MRTFA: variants seen among roughly 807,000 people sequenced by gnomAD.
The protein encoded by MRTFA is myocardin related transcription factor A.
MRTFA carries 20 observed loss-of-function variants against 83.5 expected under a neutral mutation model. The observed-to-expected ratio is 0.24, with a 90% CI of 0.17 to 0.35. The LOEUF is 0.35. MRTFA is among the 10% of genes least tolerant of loss of function. The pLI, the probability that MRTFA is intolerant of heterozygous loss-of-function variation, is 1.00. For missense variants in MRTFA, 1,200 were observed against 1,224.7 expected (o/e 0.98, Z 0.30); for synonymous variants, 659 against 541.2 (o/e 1.22, Z -3.02).
intron 3 of MRTFA, among the ~76,000 whole-genome samples, chr22:40,525,678 T>C (rs2054957631): frequency 1.3e-5 from 2 of 152,300 alleles, no homozygotes; most frequent in Admixed American, 1.3e-4. Context: ...AACAATGCTC[T>C]ATACTGTAGT....
chr22:40,417,200 A>G (rs2052700128), intron 13 of MRTFA, 141 bp downstream of exon 13: 7 of 1,379,342 alleles, frequency 5.1e-6, no homozygotes, highest in Non-Finnish European at 6.9e-6. Context: ...CCGTCCCCTA[A>G]CAACCCACTC....
At chr22:40,413,480 TG>T (rs758952893) in intron 14 of MRTFA, among the ~76,000 whole-genome samples, 18 of 151,998 alleles carry the variant, frequency 1.2e-4, no homozygotes, top group Non-Finnish European at 2.1e-4. Context: ...TACAGGCACG[TG>T]CCACCATGCC....
intron 1 of MRTFA, among the ~76,000 whole-genome samples, chr22:40,604,957 G>A (rs2056302017): frequency 6.6e-6 from 1 of 152,094 alleles, no homozygotes; most frequent in Non-Finnish European, 1.5e-5. Flanking sequence ...ACTAATCTAT[G>A]ACCTATCAGG....
chr22:40,448,665 G>C (rs1475718843), intron 4 of MRTFA, among the ~76,000 whole-genome samples: 1 of 152,184 alleles, frequency 6.6e-6, no homozygotes, highest in East Asian at 1.9e-4. Context: ...TCTAACCTCA[G>C]AAAATGTCAA....
At chr22:40,564,151 A>C (rs2055669797) in intron 2 of MRTFA, among the ~76,000 whole-genome samples, 1 of 152,176 alleles carries the variant, frequency 6.6e-6, no homozygotes, top group South Asian at 2.1e-4. Flanking sequence ...AAAATTACTA[A>C]AGGTTTTAAG....
intron 4 of MRTFA, among the ~76,000 whole-genome samples, chr22:40,445,603 C>T (rs2053361762): frequency 1.3e-5 from 2 of 152,076 alleles, no homozygotes; most frequent in South Asian, 2.1e-4. Context: ...GGCACAATCT[C>T]GATGGCGCAA....
chr22:40,505,096 A>G (rs561165636), intron 3 of MRTFA, among the ~76,000 whole-genome samples: 1 of 152,324 alleles, frequency 6.6e-6, no homozygotes, highest in South Asian at 2.1e-4. Context: ...ATTATCAGAT[A>G]CTCACAGCAT....
Position 40,592,958 on chromosome 22 carries a change from T to G in MRTFA, c.-22+1716A>C, listed in dbSNP as rs77670434. Among the ~76,000 whole-genome samples, 935 of 152,212 alleles carry G rather than the reference T, an allele frequency of 6.1e-3. 10 individuals carry two copies. Among genetic ancestry groups the G allele is most frequent in the African/African-American group, 0.022 (895 of 41,514 alleles). ...GCAGTACTGTACTTTTTTACTCCAT[T>G]TGCAGATACAGAGATCAAGCAAAAC... On this transcript the variant is annotated intron_variant, in intron 2 of 14. Coordinates refer to ENST00000355630, the MANE Select transcript of MRTFA (RefSeq NM_020831.6).
chr22:40,464,817 CT>C (rs1257950723), intron 3 of MRTFA, among the ~76,000 whole-genome samples: 1 of 152,156 alleles, frequency 6.6e-6, no homozygotes, highest in East Asian at 1.9e-4. Context: ...TCCCATCCTT[CT>C]TACTTCTTTA....
At chr22:40,461,628 C>CAAAAAAAAA (rs71199287) in intron 4 of MRTFA, among the ~76,000 whole-genome samples, 23 of 100,224 alleles carry the variant, frequency 2.3e-4, no homozygotes, top group East Asian at 6.5e-4. Context: ...ACTAAAAATA[C>CAAAAAAAAA]AAAAAAAAAA....
At chr22:40,559,635 G>A (rs933007555) in intron 2 of MRTFA, among the ~76,000 whole-genome samples, 16 of 151,982 alleles carry the variant, frequency 1.1e-4, no homozygotes, top group Non-Finnish European at 2.4e-4. Context: ...TCGAACTCCT[G>A]GCCTCAAGCG....
At chr22:40,507,967 C>T (rs2054606370) in intron 3 of MRTFA, among the ~76,000 whole-genome samples, 1 of 106,146 alleles carries the variant, frequency 9.4e-6, no homozygotes, top group African/African-American at 3.9e-5. Flanking sequence ...AGCAAGACTC[C>T]ACCTCAAAAA....
intron 1 of MRTFA, among the ~76,000 whole-genome samples, chr22:40,602,059 T>A (rs189668984): frequency 1.2e-4 from 18 of 152,260 alleles, no homozygotes; most frequent in Admixed American, 1.0e-3. Flanking sequence ...CCCTGGAATG[T>A]CCCAAAACAA....
intron 3 of MRTFA, among the ~76,000 whole-genome samples, chr22:40,468,579 G>C (rs1199202519): frequency 6.6e-6 from 1 of 152,162 alleles, no homozygotes; most frequent in Non-Finnish European, 1.5e-5. Context: ...TTTTTCTCAT[G>C]AAACTTCTAA....
intron 2 of MRTFA, among the ~76,000 whole-genome samples, chr22:40,570,959 G>A (rs895371042): frequency 7.0e-6 from 1 of 142,696 alleles, no homozygotes; most frequent in East Asian, 2.2e-4. Context: ...GGAGGCCGAT[G>A]TGAGTGGATT....
chr22:40,496,691 G>C lies in MRTFA; in HGVS notation c.242-33405C>G, dbSNP rs6001938. On this transcript the variant is annotated intron_variant, in intron 3 of 14. Coordinates refer to ENST00000355630, the MANE Select transcript of MRTFA (RefSeq NM_020831.6). ...TACATGTTTCTATATATGCACAGGAGAGAGTAGAAGCACAGTCACCAATCT... is the reference window on the plus strand; with the variant it reads ...TACATGTTTCTATATATGCACAGGACAGAGTAGAAGCACAGTCACCAATCT... Among the ~76,000 whole-genome samples, 961 of 145,296 alleles carry C rather than the reference G, an allele frequency of 6.6e-3. 17 individuals are homozygous for C. The highest frequency in any genetic ancestry group is 0.064 in the Middle Eastern group (17 of 266).
chr22:40,469,295 T>C (rs1485788399), intron 3 of MRTFA, among the ~76,000 whole-genome samples: 1 of 152,176 alleles, frequency 6.6e-6, no homozygotes, highest in Non-Finnish European at 1.5e-5. Flanking sequence ...GGGAGTGGCT[T>C]GGTGCCCTCC....
chr22:40,459,318 TGAG>T (rs1169000912), intron 4 of MRTFA, among the ~76,000 whole-genome samples: 1 of 149,746 alleles, frequency 6.7e-6, no homozygotes, highest in Non-Finnish European at 1.5e-5. Flanking sequence ...GGGACGTAAA[TGAG>T]GAGGAAATTC....
At chr22:40,431,555 G>A in intron 5 of MRTFA, 75 bp from the exon 6 acceptor site, 1 of 1,410,330 alleles carries the variant, frequency 7.1e-7, no homozygotes, top group East Asian at 2.3e-5. Flanking sequence ...CACAACAGCA[G>A]CCTTGGCCAT....
Sources: gnomAD v4.1 joint callset for allele counts (sites outside exome capture counted in the v4.1 genomes callset) on GRCh38, gnomAD v4.1.1 for gene constraint, MANE v1.5 for transcripts, NCBI Gene and HGNC (gene_info 2026-07-23, HGNC 2026-07-21) for gene names.